NR3C2: variants seen among roughly 807,000 people sequenced by gnomAD.
The protein encoded by NR3C2 is mineralocorticoid receptor.
A neutral mutation model predicts 86.4 loss-of-function variants in NR3C2; 15 were observed. The ratio of observed to expected loss-of-function variants is 0.17; its 90% CI spans 0.12 to 0.27. The LOEUF (loss-of-function observed/expected upper bound fraction) is 0.27, where lower values mean the gene tolerates loss of function less well. Among genes scored for constraint, NR3C2 ranks in the 10% least tolerant of loss-of-function variants. NR3C2 has a pLI of 1.00. For synonymous variants in NR3C2, 458 were observed against 450.5 expected (o/e 1.02, Z -0.21); for missense variants, 960 against 1,195.6 (o/e 0.80, Z 2.91).
intron 8 of NR3C2, among the ~76,000 whole-genome samples, chr4:148,099,156 G>T (rs571216245): frequency 3.3e-5 from 5 of 152,330 alleles, no homozygotes; most frequent in Non-Finnish European, 5.9e-5. Flanking sequence ...CCTAGGCCAG[G>T]CTGCGTAACT....
intron 6 of NR3C2, among the ~76,000 whole-genome samples, chr4:148,143,637 T>G (rs748796636): frequency 2.0e-5 from 3 of 152,148 alleles, no homozygotes; most frequent in Non-Finnish European, 4.4e-5. Flanking sequence ...TAGGGTTTTA[T>G]AAAAACAAAA....
intron 3 of NR3C2, among the ~76,000 whole-genome samples, chr4:148,228,984 G>A (rs989445769): frequency 2.0e-5 from 3 of 152,292 alleles, no homozygotes; most frequent in Middle Eastern, 3.4e-3. Flanking sequence ...GAACAATTAT[G>A]GTGAAAGAGC....
At chr4:148,100,172 C>G (rs1042067936) in intron 8 of NR3C2, among the ~76,000 whole-genome samples, 2 of 152,126 alleles carry the variant, frequency 1.3e-5, no homozygotes, top group African/African-American at 4.8e-5. Context: ...AGATCAAACA[C>G]CGCTTTTAAT....
At chr4:148,439,423 GCAC>G in intron 1 of NR3C2, among the ~76,000 whole-genome samples, 1 of 151,770 alleles carries the variant, frequency 6.6e-6, no homozygotes, top group South Asian at 2.1e-4. Context: ...TTGGCAAACT[GCAC>G]CACCATCTAA....
chr4:148,377,461 A>G (rs1187364709), intron 2 of NR3C2, among the ~76,000 whole-genome samples: 2 of 152,214 alleles, frequency 1.3e-5, no homozygotes, highest in Non-Finnish European at 2.9e-5. Context: ...ACAAACTGAG[A>G]CAAGGGATTG....
upstream of NR3C2, chr4:148,444,483 C>T (rs951078851): frequency 3.0e-6 from 3 of 985,896 alleles, no homozygotes; most frequent in Non-Finnish European, 3.6e-6. Context: ...CTCCGGACCC[C>T]CTCTCGCCGC....
chr4:148,292,569 T>C lies in NR3C2; in HGVS notation c.1758-32452A>G, dbSNP rs571302163. On this transcript the variant is annotated intron_variant, in intron 2 of 8. Coordinates refer to ENST00000358102, the MANE Select transcript of NR3C2 (RefSeq NM_000901.5). Reference sequence around the variant, plus strand: ...AGACTTACATATGAAAGAAAACTAGTTCCTCTTAGTCCCTATCTGACCATC... The same window carrying C: ...AGACTTACATATGAAAGAAAACTAGCTCCTCTTAGTCCCTATCTGACCATC... 2.0e-5 allele frequency among the ~76,000 whole-genome samples: 3 copies of C among 152,220 alleles called. No individual in the cohort carries two copies. In the South Asian group the frequency reaches 6.2e-4, roughly 32 times the overall value.
At chr4:148,225,185 C>A (rs2149832163) in intron 3 of NR3C2, among the ~76,000 whole-genome samples, 1 of 152,226 alleles carries the variant, frequency 6.6e-6, no homozygotes, top group East Asian at 1.9e-4. Context: ...TGACTCTCAA[C>A]CCTAGCTTAC....
intron 6 of NR3C2, among the ~76,000 whole-genome samples, chr4:148,131,183 A>ATG (rs1370086385): frequency 6.6e-6 from 1 of 152,090 alleles, no homozygotes; most frequent in Non-Finnish European, 1.5e-5. Context: ...GCCTCTAGGA[A>ATG]TGTGTGTGTG....
intron 2 of NR3C2, among the ~76,000 whole-genome samples, chr4:148,311,699 T>G (rs1742907467): frequency 6.6e-6 from 1 of 152,196 alleles, no homozygotes. Context: ...AGTGACAACT[T>G]AAGTCCTAAT....
intron 2 of NR3C2, among the ~76,000 whole-genome samples, chr4:148,326,236 A>C (rs1195785869): frequency 1.1e-5 from 1 of 94,796 alleles, no homozygotes; most frequent in Non-Finnish European, 1.9e-5. Flanking sequence ...TAAAAATACA[A>C]AAAAAAAAAA....
At chr4:148,356,899 CTG>C (rs67285458) in intron 2 of NR3C2, among the ~76,000 whole-genome samples, 5,099 of 148,904 alleles carry the variant, frequency 0.034, 102 homozygotes, top group African/African-American at 0.05. Flanking sequence ...CTAAGCACGA[CTG>C]TGTGTGTGTG....
chr4:148,166,114 C>A (rs1578962190), intron 4 of NR3C2, among the ~76,000 whole-genome samples: 1 of 151,922 alleles, frequency 6.6e-6, no homozygotes, highest in African/African-American at 2.4e-5. Context: ...GCATGTACTT[C>A]AAAAAAAAGT....
At chr4:148,285,128 G>A (rs1218642482) in intron 2 of NR3C2, among the ~76,000 whole-genome samples, 1 of 152,212 alleles carries the variant, frequency 6.6e-6, no homozygotes, top group East Asian at 1.9e-4. Context: ...CAACTGTCAT[G>A]TGATTACACC....
At chr4:148,192,266 C>T (rs946282239) in intron 4 of NR3C2, among the ~76,000 whole-genome samples, 3 of 152,170 alleles carry the variant, frequency 2.0e-5, no homozygotes, top group Non-Finnish European at 2.9e-5. Flanking sequence ...CTTCTAGCCA[C>T]CCAGCAAGTC....
intron 2 of NR3C2, among the ~76,000 whole-genome samples, chr4:148,345,688 G>T (rs1042123456): frequency 6.6e-6 from 1 of 151,824 alleles, no homozygotes; most frequent in African/African-American, 2.4e-5. Context: ...ATGTTCCAAA[G>T]GTTATTCGTG....
intron 3 of NR3C2, among the ~76,000 whole-genome samples, chr4:148,215,049 G>C (rs958610776): frequency 1.3e-5 from 2 of 152,168 alleles, no homozygotes; most frequent in African/African-American, 4.8e-5. Context: ...TACTGGGCAG[G>C]ATTCTAGCCT....
At chr4:148,442,727 G>A (rs1750416443), upstream of NR3C2, 2 of 985,278 alleles carry the variant, frequency 2.0e-6, no homozygotes, top group Non-Finnish European at 2.4e-6. Flanking sequence ...CTTCCTTAAA[G>A]CCGCAGCCGC....
At chr4:148,100,101 T>C (rs1731468222) in intron 8 of NR3C2, among the ~76,000 whole-genome samples, 1 of 152,228 alleles carries the variant, frequency 6.6e-6, no homozygotes, top group African/African-American at 2.4e-5. Context: ...ATATCAATGA[T>C]GAAGCACGAG....
Sources: gnomAD v4.1 joint callset for allele counts (sites outside exome capture counted in the v4.1 genomes callset) on GRCh38, gnomAD v4.1.1 for gene constraint, MANE v1.5 for transcripts, NCBI Gene and HGNC (gene_info 2026-07-23, HGNC 2026-07-21) for gene names.